Variants in MVB12B observed in about 807,000 individuals in gnomAD.
MVB12B encodes ESCRT-I complex subunit MVB12B.
A neutral mutation model predicts 41.6 loss-of-function variants in MVB12B; 16 were observed. The ratio of observed to expected loss-of-function variants is 0.38; its 90% CI spans 0.26 to 0.58. The LOEUF is 0.58. Among genes scored for constraint, MVB12B ranks in the 20% least tolerant of loss-of-function variants. MVB12B has a pLI of 0.62. For missense variants in MVB12B, 274 were observed against 380.2 expected, an observed-to-expected ratio of 0.72 and a Z score of 2.32; for synonymous variants, 133 against 139.7, an observed-to-expected ratio of 0.95 and a Z score of 0.34.
chr9:126,409,299 CTGTGTGTGTGTGTG>C lies in MVB12B; in HGVS notation c.663-12521_663-12508del, dbSNP rs61211126. ...TTGTCATCACTTTTGGTGAGTAACT[CTGTGTGTGTGTGTG>C]TGTGTGTGTGTGTGTGTGTGTGTGT... On this transcript the variant is annotated intron_variant, in intron 6 of 9. Coordinates refer to ENST00000361171, the MANE Select transcript of MVB12B (RefSeq NM_033446.3). 1.4e-3 allele frequency among the ~76,000 whole-genome samples: 187 copies of C among 138,098 alleles called. 1 individual carries two copies. The highest frequency in any genetic ancestry group is 3.6e-3 in the Middle Eastern group (1 of 274). The allele number at this position is 138,098 out of a possible 152,430, so 90.6% of individuals were successfully genotyped here.
rs1420300947 is a variant in MVB12B at position 126,389,911 on chromosome 9, C to A, written c.410-2155C>A. ...CTCTCTGCTCGTAGATCTGCTCTAG[C>A]CCTCAGTTTCTGTGCCTGAGGAACC... On this transcript the variant is annotated intron_variant, in intron 4 of 9. Transcript: ENST00000361171. This position sits in a 1 kb window ranked among gnomAD's most constrained non-coding sequence, Gnocchi z 4.4. Among the ~76,000 whole-genome samples, 1 of 152,144 alleles carries A rather than the reference C, an allele frequency of 6.6e-6. No individual in the cohort carries two copies. The highest frequency in any genetic ancestry group is 6.5e-5 in the Admixed American group (1 of 15,286).
chr9:126,502,345 C>T (rs564150817), intron 9 of MVB12B, among the ~76,000 whole-genome samples: 3 of 152,026 alleles, frequency 2.0e-5, no homozygotes, highest in African/African-American at 7.2e-5. Flanking sequence ...ACCGAGACCT[C>T]ACCTGGCCTC....
intron 6 of MVB12B, among the ~76,000 whole-genome samples, chr9:126,403,334 C>T (rs1032186570): frequency 6.6e-6 from 1 of 152,198 alleles, no homozygotes; most frequent in Non-Finnish European, 1.5e-5. Flanking sequence ...CCCCTTCCCT[C>T]CTGGAAGAGT....
intron 7 of MVB12B, among the ~76,000 whole-genome samples, chr9:126,442,458 G>A (rs925030431): frequency 2.0e-5 from 3 of 152,190 alleles, no homozygotes; most frequent in African/African-American, 7.2e-5. Context: ...TAAAGTCAGT[G>A]TATTGATCAG....
chr9:126,400,670 C>A (rs1831243171), intron 6 of MVB12B, among the ~76,000 whole-genome samples: 1 of 152,206 alleles, frequency 6.6e-6, no homozygotes, highest in African/African-American at 2.4e-5. Flanking sequence ...GTCGTCGATG[C>A]TGCTTCTGTA....
chr9:126,370,787 G>T (rs895644232), intron 2 of MVB12B, among the ~76,000 whole-genome samples: 2 of 152,004 alleles, frequency 1.3e-5, no homozygotes, highest in Non-Finnish European at 2.9e-5. Context: ...GTCTTACAAA[G>T]GATCCCTTTG....
At chr9:126,438,651 T>G (rs569875067) in intron 7 of MVB12B, among the ~76,000 whole-genome samples, 38 of 152,210 alleles carry the variant, frequency 2.5e-4, no homozygotes, top group Non-Finnish European at 5.4e-4. Flanking sequence ...ACTGTCACCT[T>G]GATGCAGGAG....
intron 6 of MVB12B, among the ~76,000 whole-genome samples, chr9:126,399,887 C>G (rs538950003): frequency 6.6e-6 from 1 of 152,364 alleles, no homozygotes; most frequent in South Asian, 2.1e-4. Context: ...TCCTCTACAG[C>G]CAGAACAACC....
intron 7 of MVB12B, among the ~76,000 whole-genome samples, chr9:126,431,643 G>A (rs1037183426): frequency 2.0e-5 from 3 of 152,164 alleles, no homozygotes; most frequent in African/African-American, 7.2e-5. Flanking sequence ...GCAGAGCTTA[G>A]GCGGCACTGG....
chr9:126,445,480 T>C (rs1385946061), intron 7 of MVB12B, among the ~76,000 whole-genome samples: 1 of 152,074 alleles, frequency 6.6e-6, no homozygotes, highest in African/African-American at 2.4e-5. Flanking sequence ...ATTTTTGTAT[T>C]TTTAGTAGAG....
chr9:126,499,449 G>A (rs1833905862), intron 9 of MVB12B, among the ~76,000 whole-genome samples: 2 of 152,198 alleles, frequency 1.3e-5, no homozygotes, highest in African/African-American at 4.8e-5. Context: ...AATTCAAAAA[G>A]GATTTGCTGT....
At position 126,409,221 on chromosome 9, in the gene MVB12B, A is replaced by G. The variant is rs1439915220; in HGVS notation, c.663-12633A>G. Among the ~76,000 whole-genome samples, 4 of 152,160 alleles carry G rather than the reference A, an allele frequency of 2.6e-5. No homozygotes were observed. The East Asian group carries it at 7.7e-4, about 29-fold the overall frequency. Reference sequence around the variant, plus strand: ...CCTTTGATTTAGCCACACGGTGCAGATGATCCAAAATACAGCCTTGAAAAC... The same window carrying G: ...CCTTTGATTTAGCCACACGGTGCAGGTGATCCAAAATACAGCCTTGAAAAC... On this transcript the variant is annotated intron_variant, in intron 6 of 9. Coordinates refer to ENST00000361171, the MANE Select transcript of MVB12B (RefSeq NM_033446.3).
intron 2 of MVB12B, among the ~76,000 whole-genome samples, chr9:126,362,909 A>G (rs948575698): frequency 1.3e-5 from 2 of 152,182 alleles, no homozygotes; most frequent in African/African-American, 4.8e-5. Context: ...ATTTTTGGCC[A>G]GGCGTGGTGG....
At chr9:126,488,613 G>A (rs552353595) in intron 9 of MVB12B, among the ~76,000 whole-genome samples, 2 of 152,202 alleles carry the variant, frequency 1.3e-5, no homozygotes, top group Non-Finnish European at 2.9e-5. Flanking sequence ...TAAGTGACTG[G>A]CCAGATTCCC....
chr9:126,489,418 C>T (rs1833685670), intron 9 of MVB12B, among the ~76,000 whole-genome samples: 1 of 152,254 alleles, frequency 6.6e-6, no homozygotes, highest in African/African-American at 2.4e-5. Context: ...CCCTGCTCTT[C>T]ACCAGGGTCT....
rs1430494964 is a variant in MVB12B at position 126,504,717 on chromosome 9, C to G, written c.*1454C>G. 2.0e-5 allele frequency: 3 copies of G among 152,554 alleles called. No individual in the cohort carries two copies. The East Asian group carries it at 5.8e-4, about 29-fold the overall frequency. The allele number at this position is 152,554 out of a possible 1,614,324, so 9.5% of individuals were successfully genotyped here. On this transcript the variant is annotated 3_prime_UTR_variant, in exon 10 of 10. Transcript: ENST00000361171. ...CAGGCCTCTTTGTGGACCCATCTTC[C>G]TCCTCTGCCACCCCGATCTTCACTC...
At chr9:126,368,511 C>G (rs990091487) in intron 2 of MVB12B, among the ~76,000 whole-genome samples, 1 of 152,060 alleles carries the variant, frequency 6.6e-6, no homozygotes, top group Non-Finnish European at 1.5e-5. Flanking sequence ...GGTTGGAGAA[C>G]CTTGTCTTTA....
intron 2 of MVB12B, among the ~76,000 whole-genome samples, chr9:126,357,935 G>A (rs895325873): frequency 1.3e-5 from 2 of 151,942 alleles, no homozygotes; most frequent in Admixed American, 1.3e-4. Context: ...ATCCCTTCTG[G>A]AAGTTTTATG....
chr9:126,328,929 C>T (rs919644560), intron 1 of MVB12B, among the ~76,000 whole-genome samples: 6 of 152,000 alleles, frequency 3.9e-5, no homozygotes, highest in South Asian at 2.1e-4. Flanking sequence ...CCTGCCACCA[C>T]GCTCGGCTGT....
Sources: gnomAD v4.1 joint callset for allele counts (sites outside exome capture counted in the v4.1 genomes callset) on GRCh38, gnomAD v4.1.1 for gene constraint, Gnocchi (gnomAD v3.1) non-coding constraint, MANE v1.5 for transcripts, NCBI Gene and HGNC (gene_info 2026-07-23, HGNC 2026-07-21) for gene names.